IQGAP2: variants seen among roughly 807,000 people sequenced by gnomAD.
IQGAP2 encodes the protein ras GTPase-activating-like protein IQGAP2.
A neutral mutation model predicts 201.3 loss-of-function variants in IQGAP2; 173 were observed. That is an observed-to-expected ratio of 0.86 (90% CI 0.76 to 0.98). The LOEUF (loss-of-function observed/expected upper bound fraction) is 0.98. Ranked by LOEUF, IQGAP2 falls within the 50% of genes least tolerant of loss-of-function variation. The pLI is 0.00. For missense variants in IQGAP2, 1,687 were observed against 1,864.8 expected (o/e 0.90, Z 1.76); for synonymous variants, 675 against 673.9 (o/e 1.00, Z -0.03).
At chr5:76,427,255 C>G (rs1343420864) in intron 1 of IQGAP2, among the ~76,000 whole-genome samples, 3 of 152,120 alleles carry the variant, frequency 2.0e-5, no homozygotes, top group African/African-American at 7.2e-5. Context: ...AATAAAGAAA[C>G]AAAATTGTTT....
At chr5:76,513,574 G>A (rs940104763) in intron 2 of IQGAP2, among the ~76,000 whole-genome samples, 20 of 152,234 alleles carry the variant, frequency 1.3e-4, no homozygotes, top group African/African-American at 4.8e-4. Flanking sequence ...GAAAGAGTTA[G>A]TGGAAGCTAT....
intron 13 of IQGAP2, chr5:76,623,093 A>C: frequency 7.2e-7 from 1 of 1,395,482 alleles, no homozygotes; most frequent in Non-Finnish European, 1.0e-6. Flanking sequence ...ATGCAAAGAA[A>C]CCTAGGTTCA....
Position 76,683,925 on chromosome 5 carries a change from T to C in IQGAP2, c.3905+8T>C. On this transcript the variant is annotated splice_region_variant and intron_variant, in intron 30 of 35. Transcript: ENST00000274364. ...CCGAAGCCTCATGATAAAGTAAGTT[T>C]GGGGGTTAAAGGGCACATGTCTCCA... is the stretch of plus-strand genomic sequence containing the variant. 6.2e-7 allele frequency: 1 copy of C among 1,606,698 alleles called. No individual in the cohort carries two copies. The highest frequency in any genetic ancestry group is 8.5e-7 in the Non-Finnish European group (1 of 1,175,740).
intron 21 of IQGAP2, among the ~76,000 whole-genome samples, chr5:76,663,715 T>TTTGA (rs397755482): frequency 6.6e-6 from 1 of 151,832 alleles, no homozygotes; most frequent in Non-Finnish European, 1.5e-5. Context: ...TTAAAATTTG[T>TTTGA]AGAGATGGGG....
chr5:76,580,250 T>C (rs535696679), intron 5 of IQGAP2, among the ~76,000 whole-genome samples: 26 of 148,450 alleles, frequency 1.8e-4, no homozygotes, highest in African/African-American at 6.2e-4. Flanking sequence ...CACTCTAGCC[T>C]GGGCAACAGA....
chr5:76,636,227 T>G (rs1751115575), intron 15 of IQGAP2, among the ~76,000 whole-genome samples: 1 of 152,264 alleles, frequency 6.6e-6, no homozygotes, highest in African/African-American at 2.4e-5. Context: ...TAGTCTAAGT[T>G]AGAACTTCTT....
intron 31 of IQGAP2, among the ~76,000 whole-genome samples, chr5:76,694,822 G>A (rs1746580159): frequency 6.6e-6 from 1 of 152,126 alleles, no homozygotes; most frequent in African/African-American, 2.4e-5. Context: ...GTCTCTTTTT[G>A]TTACTGTTTC....
intron 21 of IQGAP2, chr5:76,660,258 C>T (rs1743136402): frequency 6.6e-6 from 1 of 152,182 alleles, no homozygotes; most frequent in Non-Finnish European, 1.5e-5. Context: ...ATAAGAAAAA[C>T]AGCATTTTAT....
chr5:76,470,431 T>C (rs1468076288), intron 2 of IQGAP2, among the ~76,000 whole-genome samples: 2 of 152,198 alleles, frequency 1.3e-5, no homozygotes, highest in African/African-American at 2.4e-5. Flanking sequence ...GGTGTCTTCA[T>C]AGGCTTTTGA....
At chr5:76,422,400 T>G (rs1751775858) in intron 1 of IQGAP2, among the ~76,000 whole-genome samples, 1 of 152,228 alleles carries the variant, frequency 6.6e-6, no homozygotes. Context: ...GGCGGCTGTT[T>G]TTGAAGGCTG....
At chr5:76,655,373 C>CA (rs1752831645) in intron 20 of IQGAP2, among the ~76,000 whole-genome samples, 1 of 152,170 alleles carries the variant, frequency 6.6e-6, no homozygotes, top group South Asian at 2.1e-4. Flanking sequence ...GACATAGTCT[C>CA]ATCTCCCAAA....
intron 2 of IQGAP2, among the ~76,000 whole-genome samples, chr5:76,511,687 T>TG (rs1462764574): frequency 2.5e-4 from 11 of 44,192 alleles, no homozygotes; most frequent in Non-Finnish European, 5.2e-5. Flanking sequence ...TTTTGTTTTG[T>TG]TTTTTTTTTT....
At chr5:76,429,180 A>G (rs1181814270) in intron 1 of IQGAP2, among the ~76,000 whole-genome samples, 1 of 152,018 alleles carries the variant, frequency 6.6e-6, no homozygotes, top group Non-Finnish European at 1.5e-5. Flanking sequence ...GTTTTCTCTT[A>G]TAGATACTTT....
intron 2 of IQGAP2, among the ~76,000 whole-genome samples, chr5:76,497,028 C>A (rs1313212361): frequency 6.6e-6 from 1 of 151,990 alleles, no homozygotes; most frequent in Non-Finnish European, 1.5e-5. Flanking sequence ...CAGGGTTTTA[C>A]CGTGTTGGTC....
At chr5:76,599,034 T>C (rs1747236927) in intron 10 of IQGAP2, among the ~76,000 whole-genome samples, 1 of 152,124 alleles carries the variant, frequency 6.6e-6, no homozygotes, top group African/African-American at 2.4e-5. Context: ...CATAAAAGGA[T>C]ATACACAAAA....
intron 5 of IQGAP2, among the ~76,000 whole-genome samples, chr5:76,577,125 A>T (rs1226812372): frequency 6.6e-6 from 1 of 152,232 alleles, no homozygotes; most frequent in African/African-American, 2.4e-5. Flanking sequence ...GTTCTGTCGC[A>T]TGCTCGTGGG....
rs188509940 is a variant in IQGAP2 at position 76,643,033 on chromosome 5, G to A, written c.2094+1930G>A. The stretch of plus-strand genomic sequence containing the variant: ...CTGAGTGAGCCAGAAAAAAAAATCT[G>A]TTCATAAACAAAAAAGATTTTATAT... On this transcript the variant is annotated intron_variant, in intron 17 of 35. Coordinates refer to ENST00000274364, the MANE Select transcript of IQGAP2 (RefSeq NM_006633.5). 2.1e-3 allele frequency among the ~76,000 whole-genome samples: 316 copies of A among 152,164 alleles called. 2 individuals carry two copies. Among genetic ancestry groups the A allele is most frequent in the African/African-American group, 7.4e-3 (307 of 41,510 alleles).
At chr5:76,595,768 A>AGAG (rs1746988309) in intron 9 of IQGAP2, among the ~76,000 whole-genome samples, 1 of 144,188 alleles carries the variant, frequency 6.9e-6, no homozygotes, top group Non-Finnish European at 1.5e-5. Context: ...CAAAAAAAGA[A>AGAG]AGAGAGAGAG....
rs143119515 is a variant in IQGAP2, at chr5:76,671,792, T to G, written c.2877T>G (p.Thr959=). The G allele has an allele frequency of 6.2e-7, 1 of 1,613,824 alleles. No homozygotes were observed. The highest frequency in any genetic ancestry group is 1.3e-5 in the African/African-American group (1 of 74,862). The part of the protein sequence containing the change: ...SKVDQVQDIV[T]GNPTVIKMVV... ...TGGACCAGGTACAGGACATAGTTAC[T>G]GGTAACCCTACAGTCATCAAGATGG... Residue 959 remains threonine, a synonymous_variant, in exon 24 of 36, where the codon ACT becomes ACG. Transcript: ENST00000274364.
Sources: allele counts gnomAD v4.1 joint callset (sites outside exome capture counted in the v4.1 genomes callset), GRCh38; gene constraint gnomAD v4.1.1; transcripts MANE v1.5; gene names NCBI Gene and HGNC (gene_info 2026-07-23, HGNC 2026-07-21).